GRAMD1B: variants seen among roughly 807,000 people sequenced by gnomAD.
The protein encoded by GRAMD1B is GRAM domain containing 1B.
In GRAMD1B, 37 loss-of-function variants were observed where a neutral mutation model predicts 99.7. The observed-to-expected ratio is 0.37, with a 90% CI of 0.29 to 0.49. GRAMD1B has a LOEUF of 0.49. GRAMD1B is among the 20% of genes least tolerant of loss of function. The pLI, the probability that GRAMD1B is intolerant of heterozygous loss-of-function variation, is 0.98. For synonymous variants in GRAMD1B, 427 were observed against 387.6 expected, an observed-to-expected ratio of 1.10 and a Z score of -1.19; for missense variants, 888 against 1,009.2, an observed-to-expected ratio of 0.88 and a Z score of 1.63.
At position 123,622,638 on chromosome 11, in the gene GRAMD1B, T is replaced by C. The variant is rs1253505081; in HGVS notation, c.*43T>C. 1.3e-6 allele frequency: 1 copy of C among 747,940 alleles called. No homozygotes were observed. 46.3% of individuals were successfully genotyped at this position (747,940 alleles called of 1,614,324 possible). A position where few individuals can be genotyped will look rare whatever the true frequency, so the allele number is the denominator to read the frequency against. The stretch of plus-strand genomic sequence containing the variant: ...GGCTGCAAGAGGCCTGTGCAATACA[T>C]GTACATAGACCATATAAATATATAT... On this transcript the variant is annotated 3_prime_UTR_variant, in exon 20 of 20. Coordinates refer to ENST00000635736, the MANE Select transcript of GRAMD1B (RefSeq NM_001387025.1).
rs1955540775 is a variant in GRAMD1B at position 123,627,128 on chromosome 11, G to C, written c.*4533G>C. 6.6e-6 allele frequency: 1 copy of C among 152,240 alleles called. No individual in the cohort carries two copies. Among genetic ancestry groups the C allele is most frequent in the African/African-American group, 2.4e-5 (1 of 41,434 alleles). The allele number at this position is 152,240 out of a possible 1,614,324, so 9.4% of individuals were successfully genotyped here. A position where few individuals can be genotyped will look rare whatever the true frequency, so the allele number is the denominator to read the frequency against. On this transcript the variant is annotated 3_prime_UTR_variant, in exon 20 of 20. Transcript: ENST00000635736. ...CCGGCCAGGAGGAGCTGATGCTGAC[G>C]ATCTCCCCAACATCTGAAGGCTTAA...
chr11:123,548,325 T>TATATATATATATATATATACAC (rs1555067740), intron 2 of GRAMD1B, among the ~76,000 whole-genome samples: 3 of 86,890 alleles, frequency 3.5e-5, no homozygotes, highest in African/African-American at 5.1e-5. Flanking sequence ...TATATATATA[T>TATATATATATATATATATACAC]ACACACACAC....
chr11:123,447,832 G>T (rs1949708307), intron 1 of GRAMD1B, among the ~76,000 whole-genome samples: 2 of 152,240 alleles, frequency 1.3e-5, no homozygotes, highest in Non-Finnish European at 2.9e-5. Flanking sequence ...TCCTTCTTTG[G>T]TTATTTATGA....
chr11:123,551,056 A>C (rs1945556334), intron 2 of GRAMD1B, among the ~76,000 whole-genome samples: 1 of 152,328 alleles, frequency 6.6e-6, no homozygotes, highest in African/African-American at 2.4e-5. Flanking sequence ...AGCTATAAGC[A>C]AGTGAGGGAA....
At chr11:123,542,825 T>G (rs1944671012) in intron 2 of GRAMD1B, among the ~76,000 whole-genome samples, 1 of 152,146 alleles carries the variant, frequency 6.6e-6, no homozygotes, top group South Asian at 2.1e-4. Context: ...GCTAATTTTT[T>G]GTATTTCCAG....
At chr11:123,570,430 T>C (rs1165161761) in intron 2 of GRAMD1B, among the ~76,000 whole-genome samples, 4 of 149,028 alleles carry the variant, frequency 2.7e-5, no homozygotes, top group Admixed American at 6.6e-5. Flanking sequence ...TCTTTTTTTT[T>C]TTTTTTTTTT....
chr11:123,535,526 CT>C (rs1258131519), intron 2 of GRAMD1B, among the ~76,000 whole-genome samples: 2 of 152,024 alleles, frequency 1.3e-5, no homozygotes, highest in African/African-American at 4.8e-5. Flanking sequence ...GTGAATCATC[CT>C]TTTTGGATGG....
intron 2 of GRAMD1B, chr11:123,560,271 A>G: frequency 2.7e-6 from 3 of 1,123,940 alleles, no homozygotes; most frequent in Non-Finnish European, 3.3e-6. Flanking sequence ...TGAGCTCAGA[A>G]CAGCTGTCTG....
chr11:123,545,011 G>T (rs534242087), intron 2 of GRAMD1B, among the ~76,000 whole-genome samples: 1 of 152,292 alleles, frequency 6.6e-6, no homozygotes, highest in Admixed American at 6.5e-5. Flanking sequence ...GATGTGCAGC[G>T]TGTCAAGTGT....
intron 2 of GRAMD1B, among the ~76,000 whole-genome samples, chr11:123,571,436 T>G (rs1237163785): frequency 6.6e-6 from 1 of 152,156 alleles, no homozygotes. Flanking sequence ...TACTTCCCTT[T>G]TCTCAAGGAC....
intron 2 of GRAMD1B, among the ~76,000 whole-genome samples, chr11:123,555,549 C>T (rs1427255936): frequency 6.6e-6 from 1 of 151,860 alleles, no homozygotes; most frequent in Non-Finnish European, 1.5e-5. Flanking sequence ...GGGGTTTCAC[C>T]ATGTTGGCCA....
At chr11:123,412,132 T>A (rs557180852) in intron 1 of GRAMD1B, among the ~76,000 whole-genome samples, 1 of 152,316 alleles carries the variant, frequency 6.6e-6, no homozygotes, top group East Asian at 1.9e-4. Flanking sequence ...GCAAAAGTTA[T>A]CATAAACTAG....
chr11:123,488,623 G>A (rs1312640222), intron 2 of GRAMD1B, among the ~76,000 whole-genome samples: 1 of 152,060 alleles, frequency 6.6e-6, no homozygotes, highest in East Asian at 1.9e-4. Context: ...TGGGGAGCCG[G>A]ATCTTCTCCC....
chr11:123,385,823 T>C (rs1273494687), intron 1 of GRAMD1B, among the ~76,000 whole-genome samples: 2 of 152,208 alleles, frequency 1.3e-5, no homozygotes, highest in Non-Finnish European at 2.9e-5. Context: ...GTCCCATTGG[T>C]TGCTGGAGAT....
At chr11:123,494,045 A>AT (rs1938923047) in intron 2 of GRAMD1B, among the ~76,000 whole-genome samples, 1 of 152,172 alleles carries the variant, frequency 6.6e-6, no homozygotes, top group South Asian at 2.1e-4. Context: ...TGACTTGATC[A>AT]TTGTCTGTCT....
intron 2 of GRAMD1B, among the ~76,000 whole-genome samples, chr11:123,520,244 T>G (rs1304731990): frequency 2.0e-5 from 3 of 152,072 alleles, no homozygotes; most frequent in African/African-American, 7.2e-5. Flanking sequence ...AGACTTGGAG[T>G]AATACAAATC....
chr11:123,605,249 T>C, intron 9 of GRAMD1B, 73 bp from the exon 10 acceptor site: 1 of 1,077,494 alleles, frequency 9.3e-7, no homozygotes, highest in Non-Finnish European at 1.3e-6. Context: ...GATAGAAAGG[T>C]CTGAGATTCT....
chr11:123,611,036 G>C (rs1953467914), intron 14 of GRAMD1B, among the ~76,000 whole-genome samples: 1 of 152,204 alleles, frequency 6.6e-6, no homozygotes, highest in African/African-American at 2.4e-5. Context: ...CTGTTTACCT[G>C]TACCTTAGAC....
chr11:123,397,248 A>G (rs1042238682), intron 1 of GRAMD1B, among the ~76,000 whole-genome samples: 3 of 152,076 alleles, frequency 2.0e-5, no homozygotes, highest in African/African-American at 2.4e-5. Flanking sequence ...TACTAAAAAT[A>G]CAAAAAAAAG....
Sources: allele counts gnomAD v4.1 joint callset (sites outside exome capture counted in the v4.1 genomes callset), GRCh38; gene constraint gnomAD v4.1.1; transcripts MANE v1.5; gene names NCBI Gene and HGNC (gene_info 2026-07-23, HGNC 2026-07-21).